SLIT3: variants seen among roughly 807,000 people sequenced by gnomAD.
The protein encoded by SLIT3 is slit guidance ligand 3, also known as slit homolog 3 protein.
SLIT3 carries 68 observed loss-of-function variants against 184.0 expected under a neutral mutation model. The ratio of observed to expected loss-of-function variants is 0.37; its 90% CI spans 0.30 to 0.45. The LOEUF is 0.45. Among genes scored for constraint, SLIT3 ranks in the 20% least tolerant of loss-of-function variants. The pLI is 1.00. For missense variants in SLIT3, 1,707 were observed against 2,026.0 expected, an observed-to-expected ratio of 0.84 and a Z score of 3.02; for synonymous variants, 831 against 828.6, an observed-to-expected ratio of 1.00 and a Z score of -0.05.
chr5:169,108,577 A>C (rs955901626), intron 4 of SLIT3, among the ~76,000 whole-genome samples: 2 of 152,122 alleles, frequency 1.3e-5, no homozygotes, highest in Non-Finnish European at 2.9e-5. Flanking sequence ...AGATGACTGG[A>C]GGTATCTGTA....
rs372590105 is a variant in SLIT3, at chr5:168,927,729, T to A, written c.414-44393A>T. On this transcript the variant is annotated intron_variant, in intron 4 of 35. Coordinates refer to ENST00000519560, the MANE Select transcript of SLIT3 (RefSeq NM_003062.4). ...CATCGCAGGGCCCCCGCCCTTACCA[T>A]GTAGCTTGTCAAAACTCACAATTAC... 5.9e-5 allele frequency among the ~76,000 whole-genome samples: 9 copies of A among 152,342 alleles called. No individual in the cohort carries two copies. The East Asian group carries it at 9.7e-4, about 16-fold the overall frequency.
chr5:168,836,696 G>C (rs567912875), intron 6 of SLIT3, among the ~76,000 whole-genome samples: 3 of 152,102 alleles, frequency 2.0e-5, no homozygotes, highest in Non-Finnish European at 4.4e-5. Context: ...AGACCACCAC[G>C]ACTTGCCGAC....
chr5:168,813,306 T>C (rs1038731550), intron 8 of SLIT3, among the ~76,000 whole-genome samples: 1 of 119,254 alleles, frequency 8.4e-6, no homozygotes, highest in African/African-American at 3.4e-5. Flanking sequence ...ACCCTTTAGA[T>C]AAGGATGAAA....
chr5:169,212,861 T>G (rs1005404168), intron 3 of SLIT3, among the ~76,000 whole-genome samples: 3 of 152,236 alleles, frequency 2.0e-5, no homozygotes, highest in Non-Finnish European at 2.9e-5. Flanking sequence ...TTTCTGCATA[T>G]GGCTAGCCAG....
At chr5:169,149,498 C>T (rs918385819) in intron 4 of SLIT3, among the ~76,000 whole-genome samples, 1 of 152,080 alleles carries the variant, frequency 6.6e-6, no homozygotes, top group African/African-American at 2.4e-5. Context: ...ACCCAGACTC[C>T]AGAGACCCCT....
intron 6 of SLIT3, among the ~76,000 whole-genome samples, chr5:168,837,755 C>T (rs1026438470): frequency 6.6e-6 from 1 of 152,192 alleles, no homozygotes; most frequent in Non-Finnish European, 1.5e-5. Context: ...TTATTATGAG[C>T]GTCCCGATTG....
At chr5:168,857,547 G>T (rs1389387756) in intron 5 of SLIT3, among the ~76,000 whole-genome samples, 4 of 152,136 alleles carry the variant, frequency 2.6e-5, no homozygotes, top group Non-Finnish European at 5.9e-5. Context: ...TGAAATAGAT[G>T]ATTTCTATGG....
At chr5:168,829,703 T>G (rs1757817626) in intron 6 of SLIT3, among the ~76,000 whole-genome samples, 1 of 152,222 alleles carries the variant, frequency 6.6e-6, no homozygotes, top group South Asian at 2.1e-4. Context: ...TGCCAGTGCC[T>G]ACAGTGAATT....
intron 5 of SLIT3, among the ~76,000 whole-genome samples, chr5:168,871,215 T>G (rs1035584499): frequency 6.6e-6 from 1 of 152,238 alleles, no homozygotes; most frequent in Non-Finnish European, 1.5e-5. Flanking sequence ...TTTTTTCTTA[T>G]GAAGACCCTT....
chr5:168,856,712 C>T (rs75732932), intron 5 of SLIT3, among the ~76,000 whole-genome samples: 1,836 of 151,654 alleles, frequency 0.012, 15 homozygotes, highest in Non-Finnish European at 0.014. Flanking sequence ...CAGTAGCCAG[C>T]GCAGATATCT....
chr5:169,035,781 A>G, intron 4 of SLIT3, among the ~76,000 whole-genome samples: 1 of 152,158 alleles, frequency 6.6e-6, no homozygotes. Flanking sequence ...CCAAGGTCAC[A>G]CAGTACTAAG....
chr5:168,762,418 G>T, intron 15 of SLIT3, 121 bp downstream of exon 15: 1 of 1,035,456 alleles, frequency 9.7e-7, no homozygotes. Flanking sequence ...GTGAAAGACA[G>T]CCAACAAACA....
intron 29 of SLIT3, among the ~76,000 whole-genome samples, chr5:168,692,326 AG>A: frequency 6.6e-6 from 1 of 152,316 alleles, no homozygotes; most frequent in Middle Eastern, 3.4e-3. Flanking sequence ...GCAAGGAAGA[AG>A]GGGCAGGGAA....
At position 169,142,460 on chromosome 5, in the gene SLIT3, G is replaced by A. The variant is rs528759250; in HGVS notation, c.413+51019C>T. Among the ~76,000 whole-genome samples, 13 of 152,286 alleles carry A rather than the reference G, an allele frequency of 8.5e-5. No individual in the cohort carries two copies. The East Asian group carries it at 2.1e-3, about 25-fold the overall frequency. On this transcript the variant is annotated intron_variant, in intron 4 of 35. Coordinates refer to ENST00000519560, the MANE Select transcript of SLIT3 (RefSeq NM_003062.4). ...CTTCAGGCCCACAAATCACTCAGGT[G>A]TTGGGTCACTGCCCACTGGATTCAG...
At chr5:169,225,532 C>T (rs1032445426) in intron 3 of SLIT3, among the ~76,000 whole-genome samples, 3 of 152,224 alleles carry the variant, frequency 2.0e-5, no homozygotes, top group Admixed American at 6.5e-5. Flanking sequence ...TGTGGTTTCC[C>T]TCTTAGAGGC....
At chr5:168,706,005 A>C (rs1762362325) in intron 26 of SLIT3, among the ~76,000 whole-genome samples, 1 of 152,236 alleles carries the variant, frequency 6.6e-6, no homozygotes, top group South Asian at 2.1e-4. Context: ...GAACTATACT[A>C]TGTATGGAAT....
At chr5:169,123,718 A>G (rs1007324275) in intron 4 of SLIT3, among the ~76,000 whole-genome samples, 1 of 152,212 alleles carries the variant, frequency 6.6e-6, no homozygotes, top group Admixed American at 6.5e-5. Flanking sequence ...TTTTACCAGT[A>G]TGATCCTGAA....
intron 18 of SLIT3, among the ~76,000 whole-genome samples, chr5:168,752,038 T>C (rs10060585): frequency 0.28 from 43,174 of 151,824 alleles, 6,906 homozygotes; most frequent in African/African-American, 0.43. Flanking sequence ...CAAGCCTGGC[T>C]GCCAGTGACA....
At chr5:168,783,547 T>C (rs1756048688) in intron 12 of SLIT3, among the ~76,000 whole-genome samples, 1 of 152,190 alleles carries the variant, frequency 6.6e-6, no homozygotes. Flanking sequence ...GCAGTTCAGC[T>C]TTGCGAGTAC....
Sources: allele counts gnomAD v4.1 joint callset (sites outside exome capture counted in the v4.1 genomes callset), GRCh38; gene constraint gnomAD v4.1.1; transcripts MANE v1.5; gene names NCBI Gene and HGNC (gene_info 2026-07-23, HGNC 2026-07-21).